Variants in TPM1 observed in about 807,000 individuals in gnomAD.
The protein encoded by TPM1 is tropomyosin 1.
In TPM1, 24 loss-of-function variants were observed where a neutral mutation model predicts 42.9. The ratio of observed to expected loss-of-function variants is 0.56; its 90% CI spans 0.41 to 0.79. The LOEUF is 0.79. Ranked by LOEUF, TPM1 falls within the 30% of genes least tolerant of loss-of-function variation. The probability of loss-of-function intolerance (pLI) is 0.00; values close to 1 mark genes in which losing one functional copy is unlikely to be tolerated. For missense variants in TPM1, 158 were observed against 351.8 expected (o/e 0.45, Z 4.41); for synonymous variants, 136 against 130.1 (o/e 1.05, Z -0.31).
At chr15:63,065,082 T>G in intron 9 of TPM1, 2 of 985,422 alleles carry the variant, frequency 2.0e-6, no homozygotes, top group Non-Finnish European at 2.4e-6. Context: ...CCACAACCTG[T>G]GTCAAATAAA....
chr15:63,058,569 C>T (rs1325771100), intron 3 of TPM1, among the ~76,000 whole-genome samples: 2 of 152,010 alleles, frequency 1.3e-5, no homozygotes, highest in African/African-American at 2.4e-5. Flanking sequence ...CTTAGCCAGG[C>T]GTGGTGGTGC....
chr15:63,061,463 A>G, intron 5 of TPM1: 1 of 751,358 alleles, frequency 1.3e-6, no homozygotes, highest in East Asian at 2.7e-5. Flanking sequence ...CTCTTTGGGC[A>G]GCCAAAAAAG....
At position 63,053,673 on chromosome 15, in the gene TPM1, A is replaced by ATTT. The variant is rs397853689; in HGVS notation, c.241-3295_241-3293dup. ...TCTAGGGACACGGCCTGGAAGTTTGATTTTTTTTTTTTTTTTTTTGTTTTT... is the reference window on the plus strand; with the variant it reads ...TCTAGGGACACGGCCTGGAAGTTTGATTTTTTTTTTTTTTTTTTTTTTGTTTTT... On this transcript the variant is annotated intron_variant, in intron 2 of 9. Transcript: ENST00000403994. Among the ~76,000 whole-genome samples the ATTT allele has an allele frequency of 4.7e-3, 352 of 75,094 alleles. 13 individuals carry two copies. The highest frequency in any genetic ancestry group is 0.013 in the Middle Eastern group (2 of 160). 49.3% of individuals were successfully genotyped at this position (75,094 alleles called of 152,430 possible).
At chr15:63,045,929 A>G (rs1395971051) in intron 2 of TPM1, 1 of 152,102 alleles carries the variant, frequency 6.6e-6, no homozygotes, top group Non-Finnish European at 1.5e-5. Context: ...CCCTTTTAGG[A>G]CACTTTAGGT....
intron 2 of TPM1, chr15:63,046,344 A>T (rs1596310002): frequency 1.3e-5 from 2 of 152,232 alleles, no homozygotes; most frequent in East Asian, 3.8e-4. Context: ...CTTGAGGAGG[A>T]AGAGACAGAT....
At chr15:63,048,227 C>G in intron 2 of TPM1, 1 of 473,248 alleles carries the variant, frequency 2.1e-6, no homozygotes, top group Non-Finnish European at 4.1e-6. Context: ...AAGCCAGAGC[C>G]CTAGTGCAGT....
chr15:63,066,053 A>C lies in TPM1; in HGVS notation c.*154A>C. 1 of 1,539,874 alleles carries C rather than the reference A, an allele frequency of 6.5e-7. No individual in the cohort carries two copies. The highest frequency in any genetic ancestry group is 8.7e-7 in the Non-Finnish European group (1 of 1,146,104). On this transcript the variant is annotated 3_prime_UTR_variant, in exon 10 of 10. Coordinates refer to ENST00000403994, the MANE Select transcript of TPM1 (RefSeq NM_001018005.2). ...ACACACTGTGCTTTCTATTGTACAG[A>C]AGCTCTTCGTTTCAGTGTCAAATAA...
At chr15:63,048,121 G>C (rs1369950386) in intron 2 of TPM1, 3 of 426,704 alleles carry the variant, frequency 7.0e-6, no homozygotes, top group African/African-American at 6.3e-5. Context: ...CTCGGGAGCG[G>C]AGCGCTCCCG....
rs1282983626 is a variant in TPM1, at chr15:63,064,427, G to C, written c.851+285G>C. On this transcript the variant is annotated intron_variant, in intron 9 of 9. Transcript: ENST00000403994. ...AGTGACCTTGAGCACTGTCCTTTTG[G>C]GAAATTAAGCTAAACTCAAGTAAAA... 6 of 1,221,984 alleles carry C rather than the reference G, an allele frequency of 4.9e-6. No individual in the cohort carries two copies. The South Asian group carries it at 1.4e-4, about 28-fold the overall frequency. 75.7% of individuals were successfully genotyped at this position (1,221,984 alleles called of 1,614,324 possible).
At chr15:63,048,863 C>T (rs904499243) in intron 2 of TPM1, 1 of 984,470 alleles carries the variant, frequency 1.0e-6, no homozygotes, top group Non-Finnish European at 1.5e-6. Flanking sequence ...GCGGCGGGCT[C>T]TGGGGAGGGG....
At chr15:63,071,508 G>A (rs1382672181) in exon 9 of TPM1, 4 of 359,804 alleles carry the variant, frequency 1.1e-5, no homozygotes, top group Non-Finnish European at 1.1e-5. Flanking sequence ...GTTAATGTTG[G>A]AAACACAATC....
At chr15:63,044,765 G>C (rs547057634) in intron 2 of TPM1, 7 of 167,562 alleles carry the variant, frequency 4.2e-5, no homozygotes, top group African/African-American at 1.7e-4. Context: ...CAGTCTGAAG[G>C]CACTAGATCC....
intron 8 of TPM1, chr15:63,063,824 A>G (rs2035963282): frequency 1.9e-6 from 1 of 529,360 alleles, no homozygotes; most frequent in South Asian, 2.7e-5. Flanking sequence ...TAGGATTTTC[A>G]TATTGAGTCT....
chr15:63,046,043 C>T (rs530975742), intron 2 of TPM1: 14 of 152,124 alleles, frequency 9.2e-5, no homozygotes, highest in African/African-American at 2.9e-4. Flanking sequence ...AGACATGTGT[C>T]GTTAGGTGAT....
At chr15:63,043,104 G>T in intron 1 of TPM1, 161 bp downstream of exon 1, 1 of 660,016 alleles carries the variant, frequency 1.5e-6, no homozygotes, top group Non-Finnish European at 2.7e-6. Flanking sequence ...GAAGGGAAAC[G>T]CAAGAGCCAG....
chr15:63,043,124 A>G (rs921900698), intron 1 of TPM1, 181 bp downstream of exon 1: 12 of 619,110 alleles, frequency 1.9e-5, no homozygotes, highest in Admixed American at 1.1e-4. Context: ...GGCTTAGTCT[A>G]ACTTAGTCTG....
intron 2 of TPM1, 98 bp from the exon 3 acceptor site, chr15:63,056,887 C>T: frequency 6.5e-7 from 1 of 1,544,646 alleles, no homozygotes; most frequent in South Asian, 1.1e-5. Flanking sequence ...ACAAGACAGT[C>T]TTCCTATCTG....
chr15:63,069,822 G>A, downstream of TPM1: 1 of 1,612,946 alleles, frequency 6.2e-7, no homozygotes, highest in Non-Finnish European at 8.5e-7. Context: ...CTGCTAACCT[G>A]TCTTCCTTCT....
chr15:63,058,523 G>A (rs949463574), intron 3 of TPM1, among the ~76,000 whole-genome samples: 5 of 152,040 alleles, frequency 3.3e-5, no homozygotes, highest in Non-Finnish European at 7.4e-5. Context: ...CCTGGCTAAC[G>A]TGGCATAACC....
Sources: gnomAD v4.1 joint callset for allele counts (sites outside exome capture counted in the v4.1 genomes callset) on GRCh38, gnomAD v4.1.1 for gene constraint, MANE v1.5 for transcripts, NCBI Gene and HGNC (gene_info 2026-07-23, HGNC 2026-07-21) for gene names.